TBC1D22A: variants seen among roughly 807,000 people sequenced by gnomAD.
TBC1D22A encodes TBC1 domain family member 22A, also known as putative GTPase activator.
Under a neutral mutation model 60.2 loss-of-function variants are expected in TBC1D22A, and 38 were observed. The observed-to-expected ratio is 0.63, with a 90% CI of 0.49 to 0.83. TBC1D22A has a LOEUF of 0.83. Among genes scored for constraint, TBC1D22A ranks in the 40% least tolerant of loss-of-function variants. The pLI is 0.00. For missense variants in TBC1D22A, 628 were observed against 701.0 expected (o/e 0.90, Z 1.18); for synonymous variants, 302 against 281.7 (o/e 1.07, Z -0.72).
chr22:46,904,100 T>A (rs8136483), intron 7 of TBC1D22A, among the ~76,000 whole-genome samples: 7,847 of 48,156 alleles, frequency 0.16, 467 homozygotes, highest in Admixed American at 0.26. Context: ...AAATAAAATC[T>A]ATCTATCTAT....
At chr22:46,852,399 C>A (rs1031289573) in intron 4 of TBC1D22A, among the ~76,000 whole-genome samples, 1 of 152,198 alleles carries the variant, frequency 6.6e-6, no homozygotes, top group Non-Finnish European at 1.5e-5. Flanking sequence ...TCAGCGACAC[C>A]ATTCACATGC....
intron 12 of TBC1D22A, among the ~76,000 whole-genome samples, chr22:47,140,657 G>A (rs1428478772): frequency 6.6e-6 from 1 of 152,224 alleles, no homozygotes; most frequent in Non-Finnish European, 1.5e-5. Context: ...TTGCTTGGCA[G>A]CCAGCCAGGC....
chr22:46,953,986 G>A (rs73890505), intron 8 of TBC1D22A, among the ~76,000 whole-genome samples: 6,782 of 152,284 alleles, frequency 0.045, 165 homozygotes, highest in South Asian at 0.071. Context: ...TAGCAGAGCT[G>A]TGATGGTCTG....
At chr22:47,153,574 A>T (rs1339153356) in intron 12 of TBC1D22A, among the ~76,000 whole-genome samples, 1 of 151,944 alleles carries the variant, frequency 6.6e-6, no homozygotes, top group Admixed American at 6.6e-5. Flanking sequence ...ATGCAGGTGG[A>T]CGGGCAAGGG....
chr22:46,797,469 G>C lies in TBC1D22A; in HGVS notation c.486G>C (p.Leu162=). The stretch of plus-strand genomic sequence containing the variant: ...AAAGTGCCAGCGATGCCGCCCCTCT[G>C]CAGAGGTCCCAGTCTCTCCCACACT... ...PAESASDAAP[L]QRSQSLPHSA... Residue 162 remains leucine (L), a synonymous_variant, in exon 4 of 13, where the codon CTG becomes CTC. Transcript: ENST00000337137. The C allele has an allele frequency of 1.2e-6, 2 of 1,613,252 alleles. No homozygotes were observed. Among genetic ancestry groups the C allele is most frequent in the East Asian group, 2.2e-5 (1 of 44,866 alleles).
chr22:46,763,209 C>T, intron 1 of TBC1D22A: 1 of 255,796 alleles, frequency 3.9e-6, no homozygotes, highest in Non-Finnish European at 7.5e-6. Context: ...GCTGAGGCCC[C>T]CCGTCTGCTG....
intron 4 of TBC1D22A, among the ~76,000 whole-genome samples, chr22:46,836,847 A>G (rs1224717261): frequency 6.6e-6 from 1 of 152,176 alleles, no homozygotes; most frequent in African/African-American, 2.4e-5. Flanking sequence ...ATCAGGCAAA[A>G]TAGACATTAA....
intron 1 of TBC1D22A, among the ~76,000 whole-genome samples, chr22:46,768,453 G>C (rs1260680245): frequency 3.0e-5 from 4 of 132,350 alleles, no homozygotes; most frequent in Non-Finnish European, 6.1e-5. Context: ...CCACCGCCCC[G>C]CAGCCTGGGC....
chr22:46,869,516 T>C (rs6009010), intron 4 of TBC1D22A, among the ~76,000 whole-genome samples: 69,572 of 151,994 alleles, frequency 0.46, 16,654 homozygotes, highest in African/African-American at 0.6. Flanking sequence ...GTCTGGGGAG[T>C]GTCTCAGTGG....
intron 1 of TBC1D22A, among the ~76,000 whole-genome samples, chr22:46,766,816 A>G (rs931840208): frequency 6.6e-6 from 1 of 151,810 alleles, no homozygotes; most frequent in Non-Finnish European, 1.5e-5. Flanking sequence ...GATTCCAGGC[A>G]TGAGCCACCG....
chr22:47,038,674 A>G (rs889324188), intron 11 of TBC1D22A, among the ~76,000 whole-genome samples: 2 of 152,112 alleles, frequency 1.3e-5, no homozygotes, highest in South Asian at 4.2e-4. Flanking sequence ...GGTGGGTGTG[A>G]GTGTTTTGTG....
intron 8 of TBC1D22A, among the ~76,000 whole-genome samples, chr22:46,924,274 G>T (rs1175483709): frequency 2.0e-5 from 3 of 152,200 alleles, no homozygotes; most frequent in Non-Finnish European, 4.4e-5. Context: ...CTGGATGTTG[G>T]TTGTGCTGCA....
intron 11 of TBC1D22A, among the ~76,000 whole-genome samples, chr22:47,110,739 C>T (rs1032418574): frequency 1.4e-4 from 22 of 152,192 alleles, no homozygotes; most frequent in Non-Finnish European, 2.5e-4. Context: ...GAAGGTAGCA[C>T]CCCAAGAACT....
chr22:46,793,715 C>A lies in TBC1D22A; in HGVS notation c.334C>A (p.Pro112Thr). 6.2e-7 allele frequency: 1 copy of A among 1,610,566 alleles called. No individual in the cohort carries two copies. Among genetic ancestry groups the A allele is most frequent in the Non-Finnish European group, 8.5e-7 (1 of 1,179,198 alleles). ...LRNHSQRQGR[P>T]TLQEGPGLQQ... ...TAACCACAGCCAGCGGCAGGGGCGGCCCACGCTGCAGGAGGGGCCAGGGCT... is the reference window on the plus strand; with the variant it reads ...TAACCACAGCCAGCGGCAGGGGCGGACCACGCTGCAGGAGGGGCCAGGGCT... Residue 112 changes from proline to threonine, a missense_variant, in exon 3 of 13, where the codon CCC becomes ACC. By Grantham distance (38) the Pro-to-Thr change is conservative. Transcript: ENST00000337137.
At chr22:46,838,793 T>G (rs2086628930) in intron 4 of TBC1D22A, among the ~76,000 whole-genome samples, 1 of 152,150 alleles carries the variant, frequency 6.6e-6, no homozygotes, top group Admixed American at 6.5e-5. Flanking sequence ...ATTAATAGAA[T>G]GAAGGAGAAA....
intron 12 of TBC1D22A, among the ~76,000 whole-genome samples, chr22:47,119,007 G>C (rs138301423): frequency 0.023 from 3,451 of 152,246 alleles, 118 homozygotes; most frequent in African/African-American, 0.079. Flanking sequence ...AAATTAGCCA[G>C]GTGTGGTGGC....
At chr22:47,109,479 T>A (rs1334637035) in intron 11 of TBC1D22A, among the ~76,000 whole-genome samples, 3 of 152,216 alleles carry the variant, frequency 2.0e-5, no homozygotes, top group Non-Finnish European at 4.4e-5. Context: ...CCCAGCTCGC[T>A]GGTCATTCCT....
At position 47,010,027 on chromosome 22, in the gene TBC1D22A, G is replaced by C. The variant is rs961018211; in HGVS notation, c.1201+12318G>C. On this transcript the variant is annotated intron_variant, in intron 10 of 12. Coordinates refer to ENST00000337137, the MANE Select transcript of TBC1D22A (RefSeq NM_014346.5). ...AAGGAAGAAAATGCCAACAAAACGC[G>C]GTACTGGAGAATGGTTCCACCTGTG... Among the ~76,000 whole-genome samples the C allele has an allele frequency of 7.2e-5, 11 of 152,330 alleles. No homozygotes were observed. The East Asian group carries it at 2.1e-3, about 29-fold the overall frequency.
chr22:47,125,486 T>C (rs941033524), intron 12 of TBC1D22A, among the ~76,000 whole-genome samples: 1 of 152,214 alleles, frequency 6.6e-6, no homozygotes, highest in South Asian at 2.1e-4. Context: ...ATTATGATAA[T>C]GCAGTAGAAT....
Sources: gnomAD v4.1 joint callset for allele counts (sites outside exome capture counted in the v4.1 genomes callset) on GRCh38, gnomAD v4.1.1 for gene constraint, MANE v1.5 for transcripts, NCBI Gene and HGNC (gene_info 2026-07-23, HGNC 2026-07-21) for gene names.